Variants in CNIH3 observed in about 807,000 individuals in gnomAD.
CNIH3 encodes the protein cornichon family AMPA receptor auxiliary protein 3.
CNIH3 carries 14 observed loss-of-function variants against 24.1 expected under a neutral mutation model. That is an observed-to-expected ratio of 0.58 (90% CI 0.38 to 0.91). The LOEUF (loss-of-function observed/expected upper bound fraction) is 0.91. CNIH3 is among the 40% of genes least tolerant of loss of function. CNIH3 has a pLI of 0.00. For missense variants in CNIH3, 178 were observed against 196.8 expected, an observed-to-expected ratio of 0.90 and a Z score of 0.57; for synonymous variants, 68 against 73.8, an observed-to-expected ratio of 0.92 and a Z score of 0.40.
intron 1 of CNIH3, among the ~76,000 whole-genome samples, chr1:224,673,420 G>A (rs188232657): frequency 6.6e-6 from 1 of 152,266 alleles, no homozygotes; most frequent in Admixed American, 6.5e-5. Context: ...CTTCCCCTGT[G>A]CAGGCCTTTC....
chr1:224,739,538 T>A lies in CNIH3; in HGVS notation c.*182T>A. 1.8e-6 allele frequency: 2 copies of A among 1,103,068 alleles called. No homozygotes were observed. The highest frequency in any genetic ancestry group is 2.6e-6 in the Non-Finnish European group (2 of 776,466). The allele number at this position is 1,103,068 out of a possible 1,614,324, so 68.3% of individuals were successfully genotyped here. On this transcript the variant is annotated 3_prime_UTR_variant, in exon 6 of 6. Transcript: ENST00000272133. ...AGCTGGGAGCCGAGTTAACCCTGCGTGTCTGTGTCACCCTGTTTGTCAATC... is the reference window on the plus strand; with the variant it reads ...AGCTGGGAGCCGAGTTAACCCTGCGAGTCTGTGTCACCCTGTTTGTCAATC...
intron 3 of CNIH3, among the ~76,000 whole-genome samples, chr1:224,725,362 T>G (rs181341155): frequency 3.0e-4 from 46 of 152,348 alleles, no homozygotes; most frequent in Admixed American, 1.7e-3. Flanking sequence ...ATGGGTAAAA[T>G]AAGACTCAGC....
chr1:224,734,245 C>T (rs1048657863), intron 4 of CNIH3, among the ~76,000 whole-genome samples: 2 of 152,206 alleles, frequency 1.3e-5, no homozygotes, highest in African/African-American at 4.8e-5. Context: ...TTACCTCTGC[C>T]TGCACTTGTC....
intron 1 of CNIH3, among the ~76,000 whole-genome samples, chr1:224,485,183 G>T (rs1019620024): frequency 6.6e-6 from 1 of 152,132 alleles, no homozygotes; most frequent in East Asian, 1.9e-4. Context: ...GTCACTCTCT[G>T]CTTCTCCATA....
chr1:224,570,483 A>G (rs1255448970), intron 4 of CNIH3, among the ~76,000 whole-genome samples: 3 of 152,238 alleles, frequency 2.0e-5, no homozygotes, highest in Admixed American at 2.0e-4. Flanking sequence ...CCATGTTGCC[A>G]CAAAGGACAT....
downstream of CNIH3, among the ~76,000 whole-genome samples, chr1:224,590,625 C>T (rs1681712309): frequency 6.6e-6 from 1 of 152,112 alleles, no homozygotes; most frequent in Non-Finnish European, 1.5e-5. Context: ...AGTCTTAAGC[C>T]CTTTTTATAA....
chr1:224,486,926 C>T (rs527416933), intron 1 of CNIH3, among the ~76,000 whole-genome samples: 5 of 152,138 alleles, frequency 3.3e-5, no homozygotes, highest in African/African-American at 4.8e-5. Flanking sequence ...ATCCCCAGGT[C>T]GGCTGACTAA....
intron 4 of CNIH3, among the ~76,000 whole-genome samples, chr1:224,732,659 G>A (rs1378437979): frequency 6.6e-6 from 1 of 152,192 alleles, no homozygotes; most frequent in Non-Finnish European, 1.5e-5. Context: ...CTCCAGGAAA[G>A]GAGTTCGTCC....
intron 1 of CNIH3, among the ~76,000 whole-genome samples, chr1:224,617,659 A>G (rs1178422694): frequency 6.6e-6 from 1 of 152,200 alleles, no homozygotes; most frequent in African/African-American, 2.4e-5. Context: ...AAATGTCAGC[A>G]TCTGTGGTGG....
intron 3 of CNIH3, among the ~76,000 whole-genome samples, chr1:224,689,153 C>T (rs1010946855): frequency 6.6e-6 from 1 of 152,140 alleles, no homozygotes; most frequent in East Asian, 1.9e-4. Flanking sequence ...GTGCAAACAT[C>T]TACTGCTTCC....
chr1:224,568,872 T>C (rs1204763378), intron 4 of CNIH3, among the ~76,000 whole-genome samples: 1 of 152,118 alleles, frequency 6.6e-6, no homozygotes, highest in East Asian at 1.9e-4. Context: ...AGTTTATTGT[T>C]CACTTTCTTT....
At chr1:224,445,439 G>T (rs1675116276) in intron 1 of CNIH3, among the ~76,000 whole-genome samples, 1 of 151,924 alleles carries the variant, frequency 6.6e-6, no homozygotes, top group South Asian at 2.1e-4. Context: ...AGCCGGGCGT[G>T]GTGGCGCATG....
intron 1 of CNIH3, among the ~76,000 whole-genome samples, chr1:224,672,282 C>T (rs1462309957): frequency 3.3e-5 from 5 of 152,256 alleles, no homozygotes; most frequent in South Asian, 2.1e-4. Flanking sequence ...CAGAAATACT[C>T]GTTTGCATCT....
intron 4 of CNIH3, 33 bp downstream of exon 4, chr1:224,730,607 C>T (rs1689277806): frequency 1.5e-6 from 2 of 1,369,034 alleles, no homozygotes; most frequent in Admixed American, 3.9e-5. Flanking sequence ...TATCCTTCGT[C>T]TTTTCTGCCA....
chr1:224,516,309 T>G (rs1278936323), intron 1 of CNIH3, among the ~76,000 whole-genome samples: 1 of 91,174 alleles, frequency 1.1e-5, no homozygotes, highest in Admixed American at 1.3e-4. Flanking sequence ...CGAGACTCTG[T>G]CTCAAAAAAA....
intron 1 of CNIH3, among the ~76,000 whole-genome samples, chr1:224,505,015 TCCCTCCCTCCCTCCCTC>T (rs1677839812): frequency 1.8e-4 from 5 of 27,816 alleles, no homozygotes; most frequent in Non-Finnish European, 2.1e-4. Flanking sequence ...CCTCCCTCCC[TCCCTCCCTCCCTCCCTC>T]CCTTCCTTCC....
chr1:224,613,417 G>A (rs1304553640), upstream of CNIH3, among the ~76,000 whole-genome samples: 2 of 152,210 alleles, frequency 1.3e-5, no homozygotes, highest in Non-Finnish European at 2.9e-5. Context: ...TTCTACAGCT[G>A]TCCAGGGTCT....
chr1:224,670,740 G>A (rs1685823962), intron 1 of CNIH3, among the ~76,000 whole-genome samples: 2 of 152,304 alleles, frequency 1.3e-5, no homozygotes, highest in South Asian at 4.1e-4. Context: ...GGACCCACTG[G>A]TCATCACTCT....
chr1:224,514,340 T>G (rs1427319621), upstream of CNIH3, among the ~76,000 whole-genome samples: 1 of 152,192 alleles, frequency 6.6e-6, no homozygotes, highest in Non-Finnish European at 1.5e-5. Context: ...TAGATAAATA[T>G]CATCTAGCCA....
Sources: gnomAD v4.1 joint callset for allele counts (sites outside exome capture counted in the v4.1 genomes callset) on GRCh38, gnomAD v4.1.1 for gene constraint, MANE v1.5 for transcripts, NCBI Gene and HGNC (gene_info 2026-07-23, HGNC 2026-07-21) for gene names.